The following TRPC7 variants were observed in gnomAD, a reference collection of about 807,000 sequenced individuals.
The protein encoded by TRPC7 is short transient receptor potential channel 7.
In TRPC7, 42 loss-of-function variants were observed where a neutral mutation model predicts 90.1. That is an observed-to-expected ratio of 0.47 (90% CI 0.36 to 0.60). The LOEUF is 0.60. Among genes scored for constraint, TRPC7 ranks in the 20% least tolerant of loss-of-function variants. The pLI is 0.00. For synonymous variants in TRPC7, 451 were observed against 436.3 expected, an observed-to-expected ratio of 1.03 and a Z score of -0.42; for missense variants, 955 against 1,112.3, an observed-to-expected ratio of 0.86 and a Z score of 2.01.
At chr5:136,280,481 T>C (rs1434004448) in intron 3 of TRPC7, among the ~76,000 whole-genome samples, 1 of 152,218 alleles carries the variant, frequency 6.6e-6, no homozygotes, top group African/African-American at 2.4e-5. Flanking sequence ...TTGAATCCCC[T>C]AAGATTTTCT....
chr5:136,318,714 C>T (rs1759103586), intron 2 of TRPC7, among the ~76,000 whole-genome samples: 1 of 152,158 alleles, frequency 6.6e-6, no homozygotes, highest in African/African-American at 2.4e-5. Context: ...TTCCCTACTG[C>T]AACTTCAAGT....
intron 3 of TRPC7, among the ~76,000 whole-genome samples, chr5:136,290,738 C>T (rs912642016): frequency 6.6e-6 from 1 of 152,188 alleles, no homozygotes; most frequent in African/African-American, 2.4e-5. Context: ...TCCAGGAGAA[C>T]TTCCCCCATC....
intron 2 of TRPC7, among the ~76,000 whole-genome samples, chr5:136,352,882 C>T (rs1368857239): frequency 2.0e-5 from 3 of 152,270 alleles, no homozygotes; most frequent in Admixed American, 6.5e-5. Context: ...AGAGCTTCCT[C>T]GTTTCACTAT....
At chr5:136,312,374 C>T (rs1213262051) in intron 3 of TRPC7, among the ~76,000 whole-genome samples, 1 of 152,110 alleles carries the variant, frequency 6.6e-6, no homozygotes, top group Non-Finnish European at 1.5e-5. Context: ...CCTAGAGTCC[C>T]AAGAAAGGGA....
intron 2 of TRPC7, among the ~76,000 whole-genome samples, chr5:136,327,216 A>C (rs1324522430): frequency 6.6e-6 from 1 of 152,206 alleles, no homozygotes; most frequent in Non-Finnish European, 1.5e-5. Context: ...AGAGTGACCC[A>C]GTGTTGCAGA....
intron 3 of TRPC7, among the ~76,000 whole-genome samples, chr5:136,304,206 G>A (rs1343345844): frequency 6.6e-6 from 1 of 151,630 alleles, no homozygotes; most frequent in Non-Finnish European, 1.5e-5. Context: ...TAGCCCACAA[G>A]TATAAGATAC....
At chr5:136,348,156 C>T (rs1454757469) in intron 2 of TRPC7, among the ~76,000 whole-genome samples, 1 of 152,230 alleles carries the variant, frequency 6.6e-6, no homozygotes, top group Non-Finnish European at 1.5e-5. Context: ...CACTCACTCA[C>T]TTGCTGAAAA....
intron 8 of TRPC7, among the ~76,000 whole-genome samples, chr5:136,229,067 TC>T (rs1345677742): frequency 6.6e-6 from 1 of 152,218 alleles, no homozygotes; most frequent in East Asian, 1.9e-4. Flanking sequence ...CTGCAGCTTT[TC>T]CAGGCACCAT....
rs1174254428 is a variant in TRPC7 at position 136,356,817 on chromosome 5, C to A, written c.571G>T (p.Glu191Ter). ...HILLLKGARI[E>*]RPHDYFCKCN... ...TTGCAGAAGTAGTCGTGGGGCCGCT[C>A]GATGCGGGCGCCCTTGAGCAGCAGG... The change falls in exon 2 of 12, where the codon GAG becomes TAG. Residue 191 changes from glutamate (E) to a stop codon, truncating the protein, a stop_gained. Transcript: ENST00000513104. LOFTEE classifies it high-confidence loss of function. The A allele has an allele frequency of 1.2e-6, 2 of 1,613,446 alleles. No homozygotes were observed. Among genetic ancestry groups the A allele is most frequent in the Admixed American group, 1.7e-5 (1 of 60,000 alleles).
In TRPC7 at chr5:136,266,407, C is replaced by G. The variant is rs1757033310; in HGVS notation, c.1158G>C (p.Met386Ile). The G allele has an allele frequency of 1.9e-6, 3 of 1,613,626 alleles. No homozygotes were observed. The highest frequency in any genetic ancestry group is 2.5e-6 in the Non-Finnish European group (3 of 1,179,756). Residue 386 changes from methionine (M) to isoleucine (I), a missense_variant, in exon 5 of 12, where the codon ATG becomes ATC. Met to Ile is a conservative substitution (Grantham distance 10). Transcript: ENST00000513104. Reference sequence around the variant, plus strand: ...AAGAAACTGCATGAGCTACAAACTTCATGAAAGGGCTCCTCAGGGTTCGTC... The same window carrying G: ...AAGAAACTGCATGAGCTACAAACTTGATGAAAGGGCTCCTCAGGGTTCGTC... ...KLGRTLRSPF[M>I]KFVAHAVSFT...
At chr5:136,240,748 C>G (rs888155555) in intron 7 of TRPC7, among the ~76,000 whole-genome samples, 10 of 152,210 alleles carry the variant, frequency 6.6e-5, no homozygotes, top group South Asian at 6.2e-4. Context: ...CTCATTGGCT[C>G]TATGATCTTG....
intron 3 of TRPC7, among the ~76,000 whole-genome samples, chr5:136,282,697 G>A (rs528342577): frequency 3.9e-5 from 6 of 152,128 alleles, no homozygotes; most frequent in Non-Finnish European, 8.8e-5. Context: ...TGTGAAATAA[G>A]GGCATAGTCA....
At chr5:136,305,140 G>T (rs1292666917) in intron 3 of TRPC7, among the ~76,000 whole-genome samples, 1 of 152,118 alleles carries the variant, frequency 6.6e-6, no homozygotes, top group African/African-American at 2.4e-5. Flanking sequence ...AATTACCATT[G>T]TTCTTGGCCC....
rs564315200 is a variant in TRPC7, at chr5:136,346,797, C to T, written c.780+9811G>A. 2.0e-5 allele frequency among the ~76,000 whole-genome samples: 3 copies of T among 152,268 alleles called. No individual in the cohort carries two copies. The South Asian group carries it at 6.2e-4, about 32-fold the overall frequency. ...CTGGTCTCAGCCTTCACCAGGTTATCTCAACCTGGTGCTTACCCTAATGTA... is the reference window on the plus strand; with the variant it reads ...CTGGTCTCAGCCTTCACCAGGTTATTTCAACCTGGTGCTTACCCTAATGTA... On this transcript the variant is annotated intron_variant, in intron 2 of 11. Transcript: ENST00000513104.
In TRPC7 at chr5:136,274,823, A is replaced by G; in HGVS notation, c.978T>C (p.Pro326=). 6.4e-7 allele frequency: 1 copy of G among 1,569,414 alleles called. No homozygotes were observed. The highest frequency in any genetic ancestry group is 2.4e-5 in the East Asian group (1 of 42,488). ...KYEVKKFVAH[P]NCQQQLLTMW... ...TGGTAAGCAATTGCTGCTGACAGTT[A>G]GGATGAGCAACGAACTGTAAAAACA... The change falls in exon 4 of 12, where the codon CCT becomes CCC. Residue 326 remains proline (P), a synonymous_variant. Coordinates refer to ENST00000513104, the MANE Select transcript of TRPC7 (RefSeq NM_020389.3).
chr5:136,271,614 A>G (rs1222129515), intron 4 of TRPC7, among the ~76,000 whole-genome samples: 1 of 152,228 alleles, frequency 6.6e-6, no homozygotes, highest in Non-Finnish European at 1.5e-5. Context: ...CTGTGCATCC[A>G]TAGGGATTAG....
intron 2 of TRPC7, among the ~76,000 whole-genome samples, chr5:136,352,149 A>T (rs1240514744): frequency 2.6e-5 from 4 of 152,170 alleles, no homozygotes; most frequent in Non-Finnish European, 4.4e-5. Flanking sequence ...ATTTGGGCAC[A>T]CTGGATGCTT....
intron 7 of TRPC7, among the ~76,000 whole-genome samples, chr5:136,245,484 G>GT (rs1206629488): frequency 6.6e-6 from 1 of 152,146 alleles, no homozygotes; most frequent in Non-Finnish European, 1.5e-5. Context: ...CTCCAGAAGA[G>GT]TAAGATGAGG....
chr5:136,308,529 C>T (rs186806820), intron 3 of TRPC7, among the ~76,000 whole-genome samples: 157 of 152,342 alleles, frequency 1.0e-3, no homozygotes, highest in African/African-American at 3.6e-3. Context: ...TGACTGGCCT[C>T]TCAGACATCC....
Sources: gnomAD v4.1 joint callset for allele counts (sites outside exome capture counted in the v4.1 genomes callset) on GRCh38, gnomAD v4.1.1 for gene constraint, MANE v1.5 for transcripts, NCBI Gene and HGNC (gene_info 2026-07-23, HGNC 2026-07-21) for gene names.